The following TOM1L2 variants were observed in gnomAD, a reference collection of about 807,000 sequenced individuals.
The protein encoded by TOM1L2 is target of myb1 like 2 membrane trafficking protein.
A neutral mutation model predicts 67.9 loss-of-function variants in TOM1L2; 31 were observed. The ratio of observed to expected loss-of-function variants is 0.46; its 90% CI spans 0.34 to 0.62. TOM1L2 has a LOEUF of 0.62. Among genes scored for constraint, TOM1L2 ranks in the 20% least tolerant of loss-of-function variants. TOM1L2 has a pLI of 0.01. For synonymous variants in TOM1L2, 256 were observed against 254.0 expected, an observed-to-expected ratio of 1.01 and a Z score of -0.07; for missense variants, 606 against 663.5, an observed-to-expected ratio of 0.91 and a Z score of 0.95.
At chr17:17,970,881 C>A (rs1435546220) in intron 1 of TOM1L2, among the ~76,000 whole-genome samples, 1 of 152,180 alleles carries the variant, frequency 6.6e-6, no homozygotes, top group Non-Finnish European at 1.5e-5. Flanking sequence ...TTTTACCAGT[C>A]CTTCAACCAA....
intron 1 of TOM1L2, among the ~76,000 whole-genome samples, chr17:17,911,175 G>A (rs1374384592): frequency 1.3e-5 from 2 of 152,146 alleles, no homozygotes; most frequent in Non-Finnish European, 2.9e-5. Flanking sequence ...AAGGCTTCAG[G>A]GCATCCTGGC....
chr17:17,949,964 G>A (rs146339075), intron 1 of TOM1L2, among the ~76,000 whole-genome samples: 3,729 of 152,132 alleles, frequency 0.025, 132 homozygotes, highest in African/African-American at 0.079. Context: ...TCCGCCTCCC[G>A]GGTTCACACC....
chr17:17,848,931 C>T, intron 13 of TOM1L2, 72 bp from the exon 14 acceptor site: 2 of 1,511,430 alleles, frequency 1.3e-6, no homozygotes, highest in Non-Finnish European at 1.8e-6. Context: ...CCTCTGTCTG[C>T]CCATGGCCAC....
rs79817429 is a variant in TOM1L2 at position 17,959,492 on chromosome 17, C to A, written c.52+12770G>T. 2.9e-3 allele frequency among the ~76,000 whole-genome samples: 444 copies of A among 152,282 alleles called. 5 individuals carry two copies. The highest frequency in any genetic ancestry group is 0.022 in the Admixed American group (329 of 15,294). Reference sequence around the variant, plus strand: ...CCACTAAGACCCTTTCAACTAGAGTCTTCTGATTCTTTGAATTGCTGGTTT... The same window carrying A: ...CCACTAAGACCCTTTCAACTAGAGTATTCTGATTCTTTGAATTGCTGGTTT... On this transcript the variant is annotated intron_variant, in intron 1 of 14. Coordinates refer to ENST00000379504, the MANE Select transcript of TOM1L2 (RefSeq NM_001082968.2).
chr17:17,967,038 T>C (rs947424210), intron 1 of TOM1L2, among the ~76,000 whole-genome samples: 1 of 152,226 alleles, frequency 6.6e-6, no homozygotes, highest in East Asian at 1.9e-4. Context: ...GAGTCAGTAC[T>C]CCTTAATAAA....
intron 1 of TOM1L2, among the ~76,000 whole-genome samples, chr17:17,956,795 A>G (rs780608703): frequency 6.6e-6 from 1 of 152,184 alleles, no homozygotes; most frequent in African/African-American, 2.4e-5. Flanking sequence ...ACGCCCACCC[A>G]GAACTCGCGC....
At chr17:17,950,803 T>C (rs564218803) in intron 1 of TOM1L2, among the ~76,000 whole-genome samples, 2 of 152,298 alleles carry the variant, frequency 1.3e-5, no homozygotes, top group South Asian at 4.2e-4. Flanking sequence ...TGTGACAGCA[T>C]AGGTGGCTCA....
chr17:17,952,376 C>CTTTTTT (rs60388742), intron 1 of TOM1L2, among the ~76,000 whole-genome samples: 95 of 79,848 alleles, frequency 1.2e-3, no homozygotes, highest in East Asian at 1.7e-3. Flanking sequence ...TCTTTATTTT[C>CTTTTTT]TTTTTTTTTT....
At chr17:17,936,620 T>A (rs999501998) in intron 1 of TOM1L2, among the ~76,000 whole-genome samples, 2 of 152,176 alleles carry the variant, frequency 1.3e-5, no homozygotes, top group Non-Finnish European at 2.9e-5. Flanking sequence ...AATGGTAACA[T>A]GAAATGCAAT....
rs145096522 is a variant in TOM1L2, at chr17:17,963,465, G to A, written c.52+8797C>T. On this transcript the variant is annotated intron_variant, in intron 1 of 14. Coordinates refer to ENST00000379504, the MANE Select transcript of TOM1L2 (RefSeq NM_001082968.2). ...CTAGAGCCCCTGGCTGGAGAGGACCGCTCCGCCTACTTGAGCCAGGAAACC... is the reference window on the plus strand; with the variant it reads ...CTAGAGCCCCTGGCTGGAGAGGACCACTCCGCCTACTTGAGCCAGGAAACC... Among the ~76,000 whole-genome samples, 144 of 152,304 alleles carry A rather than the reference G, an allele frequency of 9.5e-4. 1 individual carries two copies. Among genetic ancestry groups the A allele is most frequent in the African/African-American group, 3.1e-3 (130 of 41,560 alleles).
chr17:17,882,896 C>T (rs374197679), intron 5 of TOM1L2, 33 bp from the exon 6 acceptor site: 106 of 1,610,668 alleles, frequency 6.6e-5, no homozygotes, highest in Non-Finnish European at 8.7e-5. Context: ...CTCTGTTTAC[C>T]TGGGCTGCCT....
intron 4 of TOM1L2, among the ~76,000 whole-genome samples, chr17:17,885,694 G>A (rs1349907680): frequency 1.3e-5 from 2 of 152,054 alleles, no homozygotes; most frequent in African/African-American, 4.8e-5. Context: ...AGAGGCCGAG[G>A]CGGACGGATC....
chr17:17,913,879 G>C (rs2039514326), intron 1 of TOM1L2, among the ~76,000 whole-genome samples: 1 of 152,194 alleles, frequency 6.6e-6, no homozygotes, highest in Admixed American at 6.5e-5. Flanking sequence ...TCCCAAGACT[G>C]TATCCCTTGT....
chr17:17,923,743 T>TA (rs932957094), intron 1 of TOM1L2, among the ~76,000 whole-genome samples: 5 of 151,406 alleles, frequency 3.3e-5, no homozygotes, highest in African/African-American at 9.7e-5. Flanking sequence ...TTTAAAATGG[T>TA]AAAAAAGATA....
rs77766992 is a variant in TOM1L2, at chr17:17,940,262, G to A, written c.52+32000C>T. Among the ~76,000 whole-genome samples, 399 of 149,128 alleles carry A rather than the reference G, an allele frequency of 2.7e-3. 3 individuals are homozygous for A. The highest frequency in any genetic ancestry group is 9.5e-3 in the African/African-American group (383 of 40,506). ...CATAGGGTTGTTACTCAGATGAGATGAGCTTATACGGGTCAAGCACTGATA... is the reference window on the plus strand; with the variant it reads ...CATAGGGTTGTTACTCAGATGAGATAAGCTTATACGGGTCAAGCACTGATA... On this transcript the variant is annotated intron_variant, in intron 1 of 14. Transcript: ENST00000379504.
At chr17:17,879,477 G>A (rs1000685047) in intron 7 of TOM1L2, 150 bp downstream of exon 7, 50 of 604,484 alleles carry the variant, frequency 8.3e-5, no homozygotes, top group Non-Finnish European at 6.6e-5. Flanking sequence ...CGTAGGCAAC[G>A]TGAGGCTGCA....
intron 10 of TOM1L2, among the ~76,000 whole-genome samples, chr17:17,863,974 C>T (rs1026344710): frequency 6.6e-6 from 1 of 152,106 alleles, no homozygotes; most frequent in Non-Finnish European, 1.5e-5. Flanking sequence ...TCAGGAGATT[C>T]TCCTACTGCA....
chr17:17,971,986 C>G (rs1023292787), intron 1 of TOM1L2, among the ~76,000 whole-genome samples: 2 of 151,982 alleles, frequency 1.3e-5, no homozygotes, highest in African/African-American at 2.4e-5. Context: ...CCGGCGAACG[C>G]CCGACGACCA....
At chr17:17,901,927 T>C (rs2038876478) in intron 2 of TOM1L2, among the ~76,000 whole-genome samples, 1 of 152,198 alleles carries the variant, frequency 6.6e-6, no homozygotes, top group Non-Finnish European at 1.5e-5. Flanking sequence ...CTCACGCCTG[T>C]AATCCCAGCA....
Sources: allele counts gnomAD v4.1 joint callset (sites outside exome capture counted in the v4.1 genomes callset), GRCh38; gene constraint gnomAD v4.1.1; transcripts MANE v1.5; gene names NCBI Gene and HGNC (gene_info 2026-07-23, HGNC 2026-07-21).